ATP13A4: variants seen among roughly 807,000 people sequenced by gnomAD.
The protein encoded by ATP13A4 is probable cation-transporting ATPase 13A4.
A neutral mutation model predicts 142.5 loss-of-function variants in ATP13A4; 114 were observed. The ratio of observed to expected loss-of-function variants is 0.80; its 90% confidence interval spans 0.69 to 0.93. ATP13A4 has a LOEUF of 0.93. Ranked by LOEUF, ATP13A4 falls within the 40% of genes least tolerant of loss-of-function variation. The pLI is 0.00. For missense variants in ATP13A4, 1,392 were observed against 1,454.0 expected (o/e 0.96, Z 0.69); for synonymous variants, 488 against 514.8 (o/e 0.95, Z 0.70).
intron 1 of ATP13A4, among the ~76,000 whole-genome samples, chr3:193,519,359 C>T (rs1249819873): frequency 6.6e-6 from 1 of 152,172 alleles, no homozygotes; most frequent in Non-Finnish European, 1.5e-5. Flanking sequence ...TGATCTACCA[C>T]CTGCCTTCCT....
intron 2 of ATP13A4, among the ~76,000 whole-genome samples, chr3:193,572,592 C>T (rs565741357): frequency 2.0e-5 from 3 of 152,152 alleles, no homozygotes; most frequent in Non-Finnish European, 4.4e-5. Context: ...ATTCAATCTG[C>T]GTTTAGTGGC....
intron 7 of ATP13A4, among the ~76,000 whole-genome samples, chr3:193,484,329 A>G (rs1166267172): frequency 6.6e-6 from 1 of 150,756 alleles, no homozygotes; most frequent in Non-Finnish European, 1.5e-5. Context: ...AAATAAATAA[A>G]TAAATAAATA....
At chr3:193,524,730 AC>A (rs1721904942) in intron 1 of ATP13A4, among the ~76,000 whole-genome samples, 1 of 152,220 alleles carries the variant, frequency 6.6e-6, no homozygotes, top group South Asian at 2.1e-4. Flanking sequence ...TGCCTACCTC[AC>A]AAAACTGTTA....
chr3:193,423,873 G>C (rs1349125842), intron 25 of ATP13A4, among the ~76,000 whole-genome samples: 6 of 149,198 alleles, frequency 4.0e-5, no homozygotes, highest in Non-Finnish European at 8.9e-5. Context: ...AATTGGGAAG[G>C]AGAAAGTCAA....
At chr3:193,447,162 G>A (rs1431182070) in intron 18 of ATP13A4, among the ~76,000 whole-genome samples, 2 of 152,130 alleles carry the variant, frequency 1.3e-5, no homozygotes, top group African/African-American at 2.4e-5. Flanking sequence ...TCTAAGTTAA[G>A]GATAGATTAT....
chr3:193,549,796 C>T (rs1295924538), intron 1 of ATP13A4, among the ~76,000 whole-genome samples: 2 of 152,110 alleles, frequency 1.3e-5, no homozygotes, highest in South Asian at 2.1e-4. Context: ...CACACCATTG[C>T]ACTCCAACCC....
intron 3 of ATP13A4, among the ~76,000 whole-genome samples, chr3:193,495,743 G>T (rs1380251613): frequency 6.6e-6 from 1 of 152,052 alleles, no homozygotes; most frequent in Non-Finnish European, 1.5e-5. Context: ...AATTAGGCAA[G>T]AGAAAGAAGT....
intron 2 of ATP13A4, among the ~76,000 whole-genome samples, chr3:193,571,474 A>T (rs752126475): frequency 3.9e-5 from 6 of 152,136 alleles, no homozygotes; most frequent in Non-Finnish European, 7.4e-5. Context: ...CACAGTGTAC[A>T]GTATGAGGGG....
At chr3:193,586,904 T>G (rs1001695867) in intron 1 of ATP13A4, among the ~76,000 whole-genome samples, 8 of 152,220 alleles carry the variant, frequency 5.3e-5, no homozygotes, top group African/African-American at 1.9e-4. Context: ...ATGGATTGAG[T>G]ATATAGACTA....
chr3:193,558,037 A>G (rs1013397681), upstream of ATP13A4, among the ~76,000 whole-genome samples: 6 of 152,196 alleles, frequency 3.9e-5, no homozygotes, highest in South Asian at 2.1e-4. Flanking sequence ...CCTGAATGCC[A>G]GGTCTGAGTC....
chr3:193,454,440 T>C (rs973543365), intron 16 of ATP13A4, among the ~76,000 whole-genome samples: 7 of 152,246 alleles, frequency 4.6e-5, no homozygotes, highest in Middle Eastern at 3.4e-3. Context: ...AAAAAAAAGA[T>C]AGGAAAAGTG....
At chr3:193,494,838 TAGAC>T (rs1172437388) in intron 3 of ATP13A4, among the ~76,000 whole-genome samples, 1 of 151,554 alleles carries the variant, frequency 6.6e-6, no homozygotes. Flanking sequence ...TTTTAAAAGA[TAGAC>T]AAAATTAACA....
chr3:193,536,476 T>C (rs1013240195), intron 1 of ATP13A4, among the ~76,000 whole-genome samples: 1 of 152,000 alleles, frequency 6.6e-6, no homozygotes, highest in Non-Finnish European at 1.5e-5. Flanking sequence ...CTCTCAAAAA[T>C]ATAAATAAAA....
intron 25 of ATP13A4, among the ~76,000 whole-genome samples, chr3:193,416,168 T>C (rs935607951): frequency 6.6e-5 from 10 of 152,182 alleles, no homozygotes; most frequent in Non-Finnish European, 1.5e-4. Flanking sequence ...TGAAAACTAG[T>C]ACAGTCTTTC....
At chr3:193,479,539 A>C (rs189415242) in intron 8 of ATP13A4, among the ~76,000 whole-genome samples, 65 of 152,292 alleles carry the variant, frequency 4.3e-4, no homozygotes, top group African/African-American at 1.5e-3. Flanking sequence ...ATACAATAAA[A>C]TACTTAGAAA....
At chr3:193,403,323 C>T (rs1714341264) in intron 29 of ATP13A4, among the ~76,000 whole-genome samples, 5 of 152,144 alleles carry the variant, frequency 3.3e-5, no homozygotes, top group Admixed American at 3.3e-4. Context: ...TGACATATCA[C>T]TGCATATTTA....
intron 1 of ATP13A4, 85 bp downstream of exon 1, chr3:193,554,654 GT>G: frequency 1.1e-3 from 1 of 892 alleles, no homozygotes; most frequent in Non-Finnish European, 1.5e-3. Flanking sequence ...TGATGCGTGC[GT>G]GTGTGTGTGT....
chr3:193,577,595 C>T (rs1003569003), intron 2 of ATP13A4, among the ~76,000 whole-genome samples: 7 of 152,172 alleles, frequency 4.6e-5, no homozygotes, highest in African/African-American at 1.7e-4. Context: ...ATTAACATTG[C>T]ATTTGTACTA....
At chr3:193,570,132 T>C (rs1724227795) in intron 2 of ATP13A4, among the ~76,000 whole-genome samples, 1 of 151,984 alleles carries the variant, frequency 6.6e-6, no homozygotes, top group South Asian at 2.1e-4. Context: ...AGACCTTCTA[T>C]CTAAAACAAA....
Sources: allele counts gnomAD v4.1 joint callset (sites outside exome capture counted in the v4.1 genomes callset), GRCh38; gene constraint gnomAD v4.1.1; transcripts MANE v1.5; gene names NCBI Gene and HGNC (gene_info 2026-07-23, HGNC 2026-07-21).